HAVCR1: variants seen among roughly 807,000 people sequenced by gnomAD.
HAVCR1 encodes T cell immunoglobin domain and mucin domain protein 1.
Under a neutral mutation model 32.0 loss-of-function variants are expected in HAVCR1, and 34 were observed. That is an observed-to-expected ratio of 1.06 (90% CI 0.81 to 1.42). The LOEUF (loss-of-function observed/expected upper bound fraction) is 1.42, where lower values mean the gene tolerates loss of function less well. Among genes scored for constraint, HAVCR1 ranks in the 40% most tolerant of loss-of-function variants. The pLI, the probability that HAVCR1 is intolerant of heterozygous loss-of-function variation, is 0.00. For synonymous variants in HAVCR1, 178 were observed against 170.3 expected, an observed-to-expected ratio of 1.05 and a Z score of -0.35; for missense variants, 420 against 442.3, an observed-to-expected ratio of 0.95 and a Z score of 0.45.
intron 1 of HAVCR1, chr5:157,058,247 A>G: frequency 3.1e-6 from 1 of 325,204 alleles, no homozygotes. Flanking sequence ...TGGTCCTGAT[A>G]CAGGGTATCA....
At chr5:157,058,812 C>A (rs552730675) in intron 1 of HAVCR1, 109 bp downstream of exon 1, 1 of 152,354 alleles carries the variant, frequency 6.6e-6, no homozygotes, top group South Asian at 2.1e-4. Flanking sequence ...GAATGTGAAT[C>A]ACTGTGCCTA....
chr5:157,035,269 G>T (rs961345048), intron 7 of HAVCR1, among the ~76,000 whole-genome samples: 2 of 151,856 alleles, frequency 1.3e-5, no homozygotes, highest in African/African-American at 4.8e-5. Context: ...AAATAACTTT[G>T]ACTAAGCAAG....
At chr5:157,035,676 T>C (rs1402094193) in intron 7 of HAVCR1, among the ~76,000 whole-genome samples, 2 of 152,122 alleles carry the variant, frequency 1.3e-5, no homozygotes, top group African/African-American at 4.8e-5. Context: ...TATATCACAA[T>C]GGTGTGTTGA....
intron 2 of HAVCR1, among the ~76,000 whole-genome samples, chr5:157,057,459 G>GAAAGAAAGA (rs1756278205): frequency 9.3e-6 from 1 of 107,222 alleles, no homozygotes; most frequent in African/African-American, 3.4e-5. Flanking sequence ...AAGAAAGAAA[G>GAAAGAAAGA]AAAGAGAATT....
At chr5:157,048,193 T>C (rs1670426491) in intron 5 of HAVCR1, among the ~76,000 whole-genome samples, 1 of 152,130 alleles carries the variant, frequency 6.6e-6, no homozygotes, top group South Asian at 2.1e-4. Context: ...CTTTTTGGGG[T>C]CTGGGACTTG....
In HAVCR1 at chr5:157,035,178, A is replaced by AT. The variant is rs36072678; in HGVS notation, c.952+2068dup. 4.3e-3 allele frequency among the ~76,000 whole-genome samples: 636 copies of AT among 149,044 alleles called. 4 individuals carry two copies. The highest frequency in any genetic ancestry group is 0.03 in the East Asian group (153 of 5,100). ...TCTCCTGTTAATCTCCTAATAATCT[A>AT]TTTTTTTTTTGGCGTACTCAAGTAT... is the stretch of plus-strand genomic sequence containing the variant. On this transcript the variant is annotated intron_variant, in intron 7 of 8. Transcript: ENST00000523175.
In HAVCR1 at chr5:157,055,307, G is replaced by C; in HGVS notation, c.273C>G (p.Thr91=). 6.2e-7 allele frequency: 1 copy of C among 1,612,644 alleles called. No homozygotes were observed. Among genetic ancestry groups the C allele is most frequent in the Non-Finnish European group, 8.5e-7 (1 of 1,178,604 alleles). Residue 91 remains threonine, a synonymous_variant, in exon 3 of 9, where the codon ACC becomes ACG. Transcript: ENST00000523175. Reference sequence around the variant, plus strand: ...TGTCAGACACAGCTGTATTTTCTATGGTCAAAGAGACATCCCTTCTTGAAA... The same window carrying C: ...TGTCAGACACAGCTGTATTTTCTATCGTCAAAGAGACATCCCTTCTTGAAA... ...GDLSRRDVSL[T]IENTAVSDSG...
intron 6 of HAVCR1, among the ~76,000 whole-genome samples, chr5:157,040,681 C>A (rs1344760334): frequency 1.3e-5 from 2 of 152,152 alleles, no homozygotes; most frequent in Non-Finnish European, 2.9e-5. Flanking sequence ...AGGCAGATCA[C>A]CTGAGGTCAG....
chr5:157,043,834 G>A (rs960877906), intron 5 of HAVCR1, among the ~76,000 whole-genome samples: 3 of 152,166 alleles, frequency 2.0e-5, no homozygotes, highest in Non-Finnish European at 2.9e-5. Context: ...ATGGTTAAAC[G>A]ATGATTTCTA....
chr5:157,036,212 C>T (rs1361020914), intron 7 of HAVCR1, among the ~76,000 whole-genome samples: 2 of 152,118 alleles, frequency 1.3e-5, no homozygotes, highest in African/African-American at 4.8e-5. Context: ...GGCGTGGTGG[C>T]TCATGCCTGT....
intron 5 of HAVCR1, 43 bp from the exon 6 acceptor site, chr5:157,042,725 T>C (rs371577163): frequency 1.3e-5 from 16 of 1,230,102 alleles, no homozygotes; most frequent in Non-Finnish European, 1.9e-5. Flanking sequence ...ACAAAAAATA[T>C]TGAATTTTCA....
At chr5:157,064,896 C>T in the HAVCR1 span, among the ~76,000 whole-genome samples, 1 of 152,018 alleles carries the variant, frequency 6.6e-6, no homozygotes, top group African/African-American at 2.4e-5. Flanking sequence ...AAAACAAAAA[C>T]CTGCATGACC....
intron 5 of HAVCR1, among the ~76,000 whole-genome samples, chr5:157,048,384 C>A (rs1041250170): frequency 5.9e-5 from 9 of 152,186 alleles, no homozygotes; most frequent in Non-Finnish European, 1.3e-4. Context: ...GCTATCTGTG[C>A]AGTCAGGCAT....
In HAVCR1 at chr5:157,034,220, A is replaced by G. The variant is rs561251020; in HGVS notation, c.953-1333T>C. ...ACTGTCTCAGTGAGGGGGATGTGGC[A>G]GGACTATAGGGTAATGGTGGGGAGA... On this transcript the variant is annotated intron_variant, in intron 7 of 8. Coordinates refer to ENST00000523175, the MANE Select transcript of HAVCR1 (RefSeq NM_001173393.3). 2.0e-5 allele frequency among the ~76,000 whole-genome samples: 3 copies of G among 152,132 alleles called. No individual in the cohort carries two copies. The South Asian group carries it at 6.2e-4, about 32-fold the overall frequency.
At position 157,055,481 on chromosome 5, in the gene HAVCR1, T is replaced by A. The variant is rs773671804; in HGVS notation, c.99A>T (p.Thr33=). The A allele has an allele frequency of 3.1e-6, 5 of 1,605,538 alleles. No individual in the cohort carries two copies. The East Asian group carries it at 1.1e-4, about 36-fold the overall frequency. ...CAGCTCCACTGTAGTGGCAGGGTAG[T>A]GTGACAGATGGACCTGCCTCTCCAC... ...KVGGEAGPSV[T]LPCHYSGAVT... is the part of the protein sequence containing the mutation. Residue 33 remains threonine, a synonymous_variant, in exon 3 of 9, where the codon ACA becomes ACT. Transcript: ENST00000523175.
intron 5 of HAVCR1, among the ~76,000 whole-genome samples, chr5:157,044,259 G>T (rs188961513): frequency 2.1e-4 from 32 of 151,430 alleles, no homozygotes; most frequent in African/African-American, 7.5e-4. Flanking sequence ...TTGAACTCAG[G>T]GGGTGGAGAT....
intron 7 of HAVCR1, among the ~76,000 whole-genome samples, chr5:157,036,953 TG>T (rs1232201970): frequency 6.6e-6 from 1 of 152,114 alleles, no homozygotes; most frequent in African/African-American, 2.4e-5. Context: ...CTTGAACTCC[TG>T]GGCTCAAGCA....
At chr5:157,057,404 AAAGAAAGAAAGAAAGAAAG>A (rs1756245701) in intron 2 of HAVCR1, among the ~76,000 whole-genome samples, 2 of 101,106 alleles carry the variant, frequency 2.0e-5, no homozygotes, top group Non-Finnish European at 4.7e-5. Context: ...AGAAAGAAAG[AAAGAAAGAAAGAAAGAAAG>A]AAAGAAAGAA....
Position 157,031,836 on chromosome 5 carries a change from G to C in HAVCR1, c.986+1018C>G, listed in dbSNP as rs534821491. On this transcript the variant is annotated intron_variant, in intron 8 of 8. Coordinates refer to ENST00000523175, the MANE Select transcript of HAVCR1 (RefSeq NM_001173393.3). ...AAAAAAGTAACTAGGCAGCAGGGTA[G>C]ACTGAAAGGTCTTTAAAGGCAAATT... Among the ~76,000 whole-genome samples the C allele has an allele frequency of 1.0e-4, 15 of 149,710 alleles. No homozygotes were observed. The South Asian group carries it at 2.1e-3, about 21-fold the overall frequency.
Sources: allele counts gnomAD v4.1 joint callset (sites outside exome capture counted in the v4.1 genomes callset), GRCh38; gene constraint gnomAD v4.1.1; transcripts MANE v1.5; gene names NCBI Gene and HGNC (gene_info 2026-07-23, HGNC 2026-07-21).